The following NHS variants were observed in gnomAD, a reference collection of about 807,000 sequenced individuals.
NHS encodes the protein NHS actin remodeling regulator.
A neutral mutation model predicts 72.5 loss-of-function variants in NHS; 5 were observed. The observed-to-expected ratio is 0.07, with a 90% confidence interval of 0.04 to 0.14. The LOEUF (loss-of-function observed/expected upper bound fraction) is 0.14. Ranked by LOEUF, NHS falls within the 10% of genes least tolerant of loss-of-function variation. The pLI, the probability that NHS is intolerant of heterozygous loss-of-function variation, is 1.00. For synonymous variants in NHS, 464 were observed against 547.7 expected (o/e 0.85, Z 2.13); for missense variants, 1,072 against 1,355.7 (o/e 0.79, Z 3.29).
intron 1 of NHS, among the ~76,000 whole-genome samples, chrX:17,455,611 A>G (rs1306947575): frequency 3.6e-5 from 4 of 112,239 alleles, no homozygotes; most frequent in Non-Finnish European, 5.6e-5. Context: ...CAACTAGCAT[A>G]CTACATATAG....
chrX:17,480,259 C>T (rs1269450437), intron 1 of NHS, among the ~76,000 whole-genome samples: 1 of 111,542 alleles, frequency 9.0e-6, no homozygotes, highest in East Asian at 2.8e-4. Context: ...TGACTTTCTT[C>T]ACAGAATTAG....
rs2066170640 is a variant in NHS at position 17,687,612 on chromosome X, T to C, written c.566-130T>C. ...CTTTCTCCGGCCTTGAGTTAGTTCT[T>C]AATGTGAATGCAGTAGTCTGGACTT... On this transcript the variant is annotated intron_variant, in intron 1 of 8. Coordinates refer to ENST00000676302, the MANE Select transcript of NHS (RefSeq NM_001291867.2). The C allele has an allele frequency of 2.0e-5, 16 of 786,701 alleles. No homozygotes were observed. The South Asian group carries it at 3.3e-4, about 16-fold the overall frequency. 64.8% of individuals were successfully genotyped at this position (786,701 alleles called of 1,213,427 possible).
intron 1 of NHS, among the ~76,000 whole-genome samples, chrX:17,508,920 G>A (rs2065072495): frequency 8.9e-6 from 1 of 112,167 alleles, no homozygotes; most frequent in Non-Finnish European, 1.9e-5. Context: ...AAGTCAGCAT[G>A]TGGAAGTGTG....
chrX:17,581,831 A>G (rs1467708573), intron 1 of NHS, among the ~76,000 whole-genome samples: 1 of 112,321 alleles, frequency 8.9e-6, no homozygotes, highest in African/African-American at 3.2e-5. Flanking sequence ...GAAAACAAGC[A>G]AGGAAATTTG....
At chrX:17,647,167 C>T (rs1021439277) in intron 1 of NHS, among the ~76,000 whole-genome samples, 1 of 112,513 alleles carries the variant, frequency 8.9e-6, no homozygotes, top group East Asian at 2.8e-4. Flanking sequence ...AAAGCCCAAG[C>T]ATTCACATGC....
intron 1 of NHS, among the ~76,000 whole-genome samples, chrX:17,637,360 C>T (rs185726858): frequency 8.9e-6 from 1 of 111,865 alleles, no homozygotes; most frequent in African/African-American, 3.2e-5. Flanking sequence ...GATCCAAGGC[C>T]TATACGTGGC....
At position 17,615,195 on chromosome X, in the gene NHS, CATATATACGT is replaced by C. The variant is rs1448672419; in HGVS notation, c.566-72539_566-72530del. On this transcript the variant is annotated intron_variant, in intron 1 of 8. Transcript: ENST00000676302. ...TACGTATATATATAGTATATATACA[CATATATACGT>C]ATATATATACGTATATATACACATA... Among the ~76,000 whole-genome samples the C allele has an allele frequency of 1.3e-3, 105 of 81,169 alleles. 2 individuals carry two copies. The highest frequency in any genetic ancestry group is 6.6e-3 in the African/African-American group (100 of 15,250). 70.5% of individuals were successfully genotyped at this position (81,169 alleles called of 115,157 possible).
intron 1 of NHS, among the ~76,000 whole-genome samples, chrX:17,446,505 C>T (rs1391415513): frequency 2.7e-5 from 3 of 109,602 alleles, no homozygotes; most frequent in Non-Finnish European, 3.8e-5. Context: ...TTGTGACCCC[C>T]GCCCCTGCCC....
At chrX:17,492,877 G>C (rs1180030704) in intron 1 of NHS, among the ~76,000 whole-genome samples, 1 of 111,672 alleles carries the variant, frequency 9.0e-6, no homozygotes, top group East Asian at 2.8e-4. Context: ...ATTTCAGTTA[G>C]AGATGACAAA....
intron 1 of NHS, among the ~76,000 whole-genome samples, chrX:17,660,755 G>C (rs1360245091): frequency 6.2e-5 from 7 of 112,192 alleles, no homozygotes; most frequent in African/African-American, 2.3e-4. Flanking sequence ...GGTTGGGCCT[G>C]TGTCTTGTTT....
chrX:17,687,946 C>T (rs1396866114), intron 2 of NHS, 52 bp downstream of exon 2: 1 of 1,163,169 alleles, frequency 8.6e-7, no homozygotes, highest in Non-Finnish European at 1.2e-6. Flanking sequence ...CGGAGGTTGT[C>T]CCATCCAGGT....
intron 1 of NHS, among the ~76,000 whole-genome samples, chrX:17,493,029 T>A (rs1011921113): frequency 8.9e-6 from 1 of 112,186 alleles, no homozygotes. Context: ...CATAGTTGAA[T>A]TCTGTTTTTT....
intron 1 of NHS, among the ~76,000 whole-genome samples, chrX:17,604,541 C>A (rs1036166334): frequency 8.9e-6 from 1 of 111,786 alleles, no homozygotes. Flanking sequence ...GGCCATGCCT[C>A]TAGGAATGAG....
Position 17,725,941 on chromosome X carries a change from C to T in NHS, c.1835C>T (p.Thr612Met), listed in dbSNP as rs745597127. The change falls in exon 7 of 9, where the codon ACG becomes ATG. Residue 612 changes from threonine to methionine, a missense_variant. Coordinates refer to ENST00000676302, the MANE Select transcript of NHS (RefSeq NM_001291867.2). ...TFGSPIHCIS[T>M]AGVLLSSHMD... Reference sequence around the variant, plus strand: ...GGGAGCCCCATCCACTGCATCTCCACGGCTGGCGTCCTCCTTAGCAGCCAC... The same window carrying T: ...GGGAGCCCCATCCACTGCATCTCCATGGCTGGCGTCCTCCTTAGCAGCCAC... The T allele has an allele frequency of 5.6e-5, 68 of 1,209,718 alleles. No individual in the cohort carries two copies. The highest frequency in any genetic ancestry group is 7.0e-5 in the South Asian group (4 of 56,772).
intron 8 of NHS, among the ~76,000 whole-genome samples, chrX:17,730,945 C>T (rs910551822): frequency 1.5e-4 from 17 of 110,689 alleles, no homozygotes; most frequent in Non-Finnish European, 2.6e-4. Context: ...TGACTTAAAA[C>T]GTCATTTAAT....
chrX:17,394,795 T>TATA (rs2064464522), intron 1 of NHS, among the ~76,000 whole-genome samples: 1 of 110,675 alleles, frequency 9.0e-6, no homozygotes, highest in East Asian at 2.8e-4. Flanking sequence ...GATGACTGAG[T>TATA]GTTATCAACA....
intron 1 of NHS, among the ~76,000 whole-genome samples, chrX:17,657,885 C>T (rs1261345024): frequency 8.9e-6 from 1 of 112,979 alleles, no homozygotes; most frequent in Non-Finnish European, 1.9e-5. Flanking sequence ...GCACTCAAAC[C>T]ATGCCAACTT....
intron 1 of NHS, among the ~76,000 whole-genome samples, chrX:17,490,185 A>G (rs2064984289): frequency 8.9e-6 from 1 of 112,489 alleles, no homozygotes; most frequent in Non-Finnish European, 1.9e-5. Context: ...TGTTTTAGTC[A>G]TAAAGTCTTT....
chrX:17,584,913 CATCCTTTTT>C (rs2065566477), intron 1 of NHS, among the ~76,000 whole-genome samples: 1 of 111,431 alleles, frequency 9.0e-6, no homozygotes, highest in Non-Finnish European at 1.9e-5. Context: ...TAGCTTGCAA[CATCCTTTTT>C]AATTGCAGAA....
Sources: gnomAD v4.1 joint callset for allele counts (sites outside exome capture counted in the v4.1 genomes callset) on GRCh38, gnomAD v4.1.1 for gene constraint, MANE v1.5 for transcripts, NCBI Gene and HGNC (gene_info 2026-07-23, HGNC 2026-07-21) for gene names.